Variants in MBTPS1 observed in about 807,000 individuals in gnomAD.
MBTPS1 encodes the protein membrane-bound transcription factor site-1 protease.
In MBTPS1, 94 loss-of-function variants were observed where a neutral mutation model predicts 127.8. The observed-to-expected ratio is 0.74, with a 90% CI of 0.62 to 0.87. The LOEUF (loss-of-function observed/expected upper bound fraction) is 0.87, where lower values mean the gene tolerates loss of function less well. Ranked by LOEUF, MBTPS1 falls within the 40% of genes least tolerant of loss-of-function variation. MBTPS1 has a pLI of 0.00. For synonymous variants in MBTPS1, 632 were observed against 509.4 expected, an observed-to-expected ratio of 1.24 and a Z score of -3.24; for missense variants, 1,636 against 1,353.2, an observed-to-expected ratio of 1.21 and a Z score of -3.28.
intron 21 of MBTPS1, chr16:84,056,412 C>T (rs1567468680): frequency 3.3e-6 from 1 of 306,780 alleles, no homozygotes; most frequent in Non-Finnish European, 6.2e-6. Flanking sequence ...TAAAGCTAAA[C>T]ATGACCAAGC....
At chr16:84,078,910 G>A (rs1228838140) in intron 11 of MBTPS1, among the ~76,000 whole-genome samples, 1 of 152,234 alleles carries the variant, frequency 6.6e-6, no homozygotes, top group Admixed American at 6.5e-5. Context: ...CTGGTAGAAA[G>A]AATGGGCGAG....
At position 84,063,336 on chromosome 16, in the gene MBTPS1, G is replaced by A. The variant is rs1334368497; in HGVS notation, c.2541C>T (p.Ser847=). 2 of 1,612,282 alleles carry A rather than the reference G, an allele frequency of 1.2e-6. No individual in the cohort carries two copies. The highest frequency in any genetic ancestry group is 1.7e-6 in the Non-Finnish European group (2 of 1,178,612). The stretch of plus-strand genomic sequence containing the variant: ...GTCGGTGACTGTCATCCAAGCAATT[G>A]GAGTCCCCATACAGTACAATCCGGC... ...GGGRIVLYGD[S]NCLDDSHRQK... is the part of the protein sequence containing the mutation. Residue 847 remains serine, a synonymous_variant, in exon 19 of 23, where the codon TCC becomes TCT. Transcript: ENST00000343411.
chr16:84,089,712 C>G (rs994191639), intron 8 of MBTPS1, among the ~76,000 whole-genome samples: 2 of 152,176 alleles, frequency 1.3e-5, no homozygotes, highest in Admixed American at 6.5e-5. Context: ...GCAGGTCGGA[C>G]CTGTCTGCTT....
chr16:84,077,788 A>G (rs1307535644), intron 11 of MBTPS1, among the ~76,000 whole-genome samples: 1 of 152,220 alleles, frequency 6.6e-6, no homozygotes, highest in African/African-American at 2.4e-5. Context: ...CCTTACACTA[A>G]GTCAAAAGAC....
chr16:84,073,778 C>T (rs8049120), intron 12 of MBTPS1, among the ~76,000 whole-genome samples: 1 of 151,806 alleles, frequency 6.6e-6, no homozygotes, highest in Admixed American at 6.6e-5. Context: ...GCTGAGGTAG[C>T]TGGATCACCT....
At chr16:84,067,619 T>C (rs201017641) in intron 16 of MBTPS1, 48 bp downstream of exon 16, 11 of 1,426,622 alleles carry the variant, frequency 7.7e-6, no homozygotes, top group Non-Finnish European at 8.7e-6. Flanking sequence ...TGGGTAGAAT[T>C]TGATTCCCCA....
At position 84,081,926 on chromosome 16, in the gene MBTPS1, A is replaced by C; in HGVS notation, c.1287-18T>G. On this transcript the variant is annotated intron_variant, in intron 10 of 22. Transcript: ENST00000343411. ...GGACTGTGCTGGAGGAAAAATCAAG[A>C]ATTGCCTATTTTCTCTCAGTAAAAG... is the stretch of plus-strand genomic sequence containing the variant. The C allele has an allele frequency of 7.4e-7, 1 of 1,356,674 alleles. No homozygotes were observed. Among genetic ancestry groups the C allele is most frequent in the Non-Finnish European group, 9.6e-7 (1 of 1,043,038 alleles). The allele number at this position is 1,356,674 out of a possible 1,614,324, so 84.0% of individuals were successfully genotyped here. A position where few individuals can be genotyped will look rare whatever the true frequency, so the allele number is the denominator to read the frequency against.
chr16:84,100,101 T>C (rs2086233222), intron 2 of MBTPS1, among the ~76,000 whole-genome samples: 1 of 152,186 alleles, frequency 6.6e-6, no homozygotes, highest in Non-Finnish European at 1.5e-5. Context: ...CCAATTACAA[T>C]GGCACCTGTT....
intron 3 of MBTPS1, among the ~76,000 whole-genome samples, chr16:84,097,837 C>CGTGTGTATGT (rs377529384): frequency 2.8e-5 from 4 of 143,026 alleles, no homozygotes; most frequent in African/African-American, 1.0e-4. Context: ...AACTTCTCTT[C>CGTGTGTATGT]GTGTGTGTGT....
At chr16:84,063,527 CAAAT>C (rs3215186) in intron 18 of MBTPS1, 82 bp from the exon 19 acceptor site, 90,630 of 1,304,004 alleles carry the variant, frequency 0.07, 3,850 homozygotes, top group South Asian at 0.18. Context: ...ATCCACGTGA[CAAAT>C]AAACCACATT....
intron 11 of MBTPS1, among the ~76,000 whole-genome samples, chr16:84,080,963 C>T (rs183326470): frequency 2.1e-3 from 313 of 152,256 alleles, no homozygotes; most frequent in African/African-American, 7.1e-3. Flanking sequence ...TGAAGGAAAA[C>T]GGAGGAACCG....
chr16:84,089,477 G>A (rs191824251), intron 8 of MBTPS1, among the ~76,000 whole-genome samples: 75 of 152,350 alleles, frequency 4.9e-4, no homozygotes, highest in Non-Finnish European at 1.0e-3. Context: ...ATAAACTGCT[G>A]CAGATTCTTG....
intron 19 of MBTPS1, among the ~76,000 whole-genome samples, chr16:84,062,341 G>A (rs1326047548): frequency 1.3e-5 from 2 of 152,152 alleles, no homozygotes; most frequent in Non-Finnish European, 2.9e-5. Context: ...GGCTGGTCAT[G>A]AACTCCTGAC....
chr16:84,084,565 T>A (rs1342093944), intron 10 of MBTPS1, among the ~76,000 whole-genome samples: 1 of 152,272 alleles, frequency 6.6e-6, no homozygotes, highest in East Asian at 1.9e-4. Context: ...GATTTGTTTT[T>A]TGTTTTTCTT....
chr16:84,065,152 C>T (rs933101973), intron 18 of MBTPS1, among the ~76,000 whole-genome samples: 17 of 149,122 alleles, frequency 1.1e-4, no homozygotes, highest in African/African-American at 2.0e-4. Context: ...TGGTCTCCCT[C>T]TGTTGCCCAG....
At chr16:84,066,685 T>C in intron 16 of MBTPS1, 72 bp from the exon 17 acceptor site, 2 of 1,429,500 alleles carry the variant, frequency 1.4e-6, no homozygotes, top group Non-Finnish European at 1.9e-6. Context: ...TTAGTCTCTG[T>C]GACAAAACTC....
intron 2 of MBTPS1, among the ~76,000 whole-genome samples, chr16:84,100,733 G>C (rs572274144): frequency 1.7e-4 from 26 of 151,828 alleles, no homozygotes; most frequent in Non-Finnish European, 4.4e-5. Context: ...GTCTCCAAAA[G>C]AAAAAGAAAA....
intron 4 of MBTPS1, among the ~76,000 whole-genome samples, chr16:84,095,015 T>C (rs2086160042): frequency 6.6e-6 from 1 of 152,238 alleles, no homozygotes. Flanking sequence ...GGTTTGGTCA[T>C]GATGAATCAG....
chr16:84,084,023 G>A (rs1340395026), intron 10 of MBTPS1, among the ~76,000 whole-genome samples: 2 of 152,168 alleles, frequency 1.3e-5, no homozygotes, highest in South Asian at 2.1e-4. Context: ...GCAGTGGCAC[G>A]ATCTCAGTTC....
Sources: allele counts gnomAD v4.1 joint callset (sites outside exome capture counted in the v4.1 genomes callset), GRCh38; gene constraint gnomAD v4.1.1; transcripts MANE v1.5; gene names NCBI Gene and HGNC (gene_info 2026-07-23, HGNC 2026-07-21).